TNNI3K: variants seen among roughly 807,000 people sequenced by gnomAD.
TNNI3K encodes the protein serine/threonine-protein kinase TNNI3K.
TNNI3K carries 140 observed loss-of-function variants against 114.5 expected under a neutral mutation model. The observed-to-expected ratio is 1.22, with a 90% CI of 1.07 to 1.41. TNNI3K has a LOEUF of 1.41. Among genes scored for constraint, TNNI3K ranks in the 40% most tolerant of loss-of-function variants. TNNI3K has a pLI of 0.00. For missense variants in TNNI3K, 1,125 were observed against 1,007.6 expected, an observed-to-expected ratio of 1.12 and a Z score of -1.58; for synonymous variants, 347 against 347.5, an observed-to-expected ratio of 1.00 and a Z score of 0.02.
intron 4 of TNNI3K, among the ~76,000 whole-genome samples, chr1:74,252,050 A>G (rs1402607972): frequency 6.6e-6 from 1 of 152,218 alleles, no homozygotes; most frequent in Non-Finnish European, 1.5e-5. Flanking sequence ...AGGAACAGGA[A>G]GGTAGTGAAT....
chr1:74,330,673 A>T (rs1660152669), intron 5 of TNNI3K, among the ~76,000 whole-genome samples: 1 of 152,128 alleles, frequency 6.6e-6, no homozygotes, highest in Admixed American at 6.6e-5. Context: ...AGTCTAATTT[A>T]TATGGCCTCA....
chr1:74,259,157 A>G (rs1296339037), intron 4 of TNNI3K, among the ~76,000 whole-genome samples: 36 of 152,198 alleles, frequency 2.4e-4, no homozygotes, highest in Non-Finnish European at 2.9e-5. Context: ...TAATCTAGAG[A>G]CATATTTATT....
intron 23 of TNNI3K, among the ~76,000 whole-genome samples, chr1:74,502,727 C>A (rs1570710672): frequency 6.6e-6 from 1 of 152,300 alleles, no homozygotes; most frequent in East Asian, 1.9e-4. Context: ...CTGATAGTAG[C>A]CACTTTGCCT....
intron 5 of TNNI3K, among the ~76,000 whole-genome samples, chr1:74,287,252 T>C (rs1011333839): frequency 4.6e-5 from 7 of 152,222 alleles, no homozygotes; most frequent in African/African-American, 1.4e-4. Flanking sequence ...GTATGCATTA[T>C]TGAGGTCCAA....
chr1:74,421,096 T>A (rs747051944), intron 17 of TNNI3K, among the ~76,000 whole-genome samples: 26 of 152,084 alleles, frequency 1.7e-4, no homozygotes, highest in Non-Finnish European at 3.4e-4. Context: ...ATCAGTTACT[T>A]ATCTGCTTTT....
At chr1:74,417,411 C>A (rs906094856) in intron 17 of TNNI3K, among the ~76,000 whole-genome samples, 1 of 152,110 alleles carries the variant, frequency 6.6e-6, no homozygotes, top group Admixed American at 6.6e-5. Flanking sequence ...ATGACTTTGG[C>A]TCAAGACTTC....
chr1:74,534,714 A>T (rs1557633828), intron 23 of TNNI3K, among the ~76,000 whole-genome samples: 2 of 143,320 alleles, frequency 1.4e-5, no homozygotes, highest in African/African-American at 4.9e-5. Context: ...GCATTGCAAC[A>T]TGAATATTCT....
chr1:74,364,564 C>G (rs972004125), intron 11 of TNNI3K, among the ~76,000 whole-genome samples: 1 of 151,634 alleles, frequency 6.6e-6, no homozygotes, highest in African/African-American at 2.4e-5. Context: ...CCCCCCGCCA[C>G]CCCCAAAGAT....
In TNNI3K at chr1:74,353,977, C is replaced by T. The variant is rs202245342; in HGVS notation, c.1028-3C>T. The T allele has an allele frequency of 6.9e-6, 11 of 1,597,532 alleles. No homozygotes were observed. Among genetic ancestry groups the T allele is most frequent in the Admixed American group, 5.3e-5 (3 of 56,242 alleles). On this transcript the variant is annotated splice_polypyrimidine_tract_variant and splice_region_variant and intron_variant, in intron 10 of 24. Transcript: ENST00000326637. Reference sequence around the variant, plus strand: ...TTGTTCTTTCAATTCTTTTCTATTACAGGATTACACTCTGCTTGCTACCAC... The same window carrying T: ...TTGTTCTTTCAATTCTTTTCTATTATAGGATTACACTCTGCTTGCTACCAC...
At chr1:74,254,525 A>G (rs1655155298) in intron 4 of TNNI3K, among the ~76,000 whole-genome samples, 1 of 152,064 alleles carries the variant, frequency 6.6e-6, no homozygotes, top group African/African-American at 2.4e-5. Flanking sequence ...CCAGTTATTT[A>G]TACATATTTC....
At chr1:74,369,671 C>G in intron 16 of TNNI3K, 86 bp downstream of exon 16, 1 of 1,395,170 alleles carries the variant, frequency 7.2e-7, no homozygotes, top group Non-Finnish European at 9.4e-7. Context: ...ATTGGATGAG[C>G]CTTCACCTTT....
At chr1:74,530,605 T>C (rs1018056548) in intron 23 of TNNI3K, among the ~76,000 whole-genome samples, 1 of 152,176 alleles carries the variant, frequency 6.6e-6, no homozygotes, top group African/African-American at 2.4e-5. Context: ...CTATATGAAC[T>C]GGGATAGGTT....
At chr1:74,315,442 A>G (rs1659253120) in intron 5 of TNNI3K, among the ~76,000 whole-genome samples, 3 of 152,116 alleles carry the variant, frequency 2.0e-5, no homozygotes, top group Admixed American at 2.0e-4. Context: ...ATTAATGCCT[A>G]CATTTGTATA....
rs777378688 is a variant in TNNI3K, at chr1:74,354,049, T to C, written c.1097T>C (p.Met366Thr). 3 of 1,614,138 alleles carry C rather than the reference T, an allele frequency of 1.9e-6. No individual in the cohort carries two copies. Among genetic ancestry groups the C allele is most frequent in the Non-Finnish European group, 2.5e-6 (3 of 1,180,004 alleles). Reference protein sequence around the residue: ...VQFLLDNGADMNLVACDPSRS... With the variant: ...VQFLLDNGADTNLVACDPSRS... ...TTCTTACTGGATAATGGAGCTGATA[T>C]GAATCTAGTGGCTTGTGATCCCAGC... is the stretch of plus-strand genomic sequence containing the variant. Residue 366 changes from methionine to threonine, a missense_variant, in exon 11 of 25, where the codon ATG becomes ACG. Met to Thr is a moderately conservative substitution (Grantham distance 81). Transcript: ENST00000326637.
At chr1:74,500,585 CA>C (rs1669568513) in intron 23 of TNNI3K, among the ~76,000 whole-genome samples, 1 of 114,512 alleles carries the variant, frequency 8.7e-6, no homozygotes, top group Non-Finnish European at 1.7e-5. Flanking sequence ...GCCTGGGCGA[CA>C]GAGCGAGACT....
rs1274591634 is a variant in TNNI3K at position 74,443,935 on chromosome 1, A to G, written c.2011+4313A>G. On this transcript the variant is annotated intron_variant, in intron 20 of 24. Transcript: ENST00000326637. The stretch of plus-strand genomic sequence containing the variant: ...TCATGATTATCTCAATAGATTCAGA[A>G]AAGGTCTTTGATACAATTCAACATC... Among the ~76,000 whole-genome samples the G allele has an allele frequency of 2.0e-5, 3 of 152,208 alleles. No homozygotes were observed. The East Asian group carries it at 5.8e-4, about 29-fold the overall frequency.
chr1:74,518,836 CCTTA>C (rs1646386214), intron 23 of TNNI3K, among the ~76,000 whole-genome samples: 3 of 142,462 alleles, frequency 2.1e-5, no homozygotes, highest in Admixed American at 2.0e-4. Context: ...AAACAAATTA[CCTTA>C]CTTTATTTTT....
At chr1:74,359,195 A>T (rs913866560) in intron 11 of TNNI3K, among the ~76,000 whole-genome samples, 1 of 151,978 alleles carries the variant, frequency 6.6e-6, no homozygotes, top group South Asian at 2.1e-4. Context: ...CTCTTTCAGC[A>T]TTTACCCTCA....
At chr1:74,510,787 C>T (rs2100379061) in intron 23 of TNNI3K, among the ~76,000 whole-genome samples, 1 of 152,324 alleles carries the variant, frequency 6.6e-6, no homozygotes, top group African/African-American at 2.4e-5. Flanking sequence ...TGTTGATTTC[C>T]CTCTAGGTAC....
Sources: gnomAD v4.1 joint callset for allele counts (sites outside exome capture counted in the v4.1 genomes callset) on GRCh38, gnomAD v4.1.1 for gene constraint, MANE v1.5 for transcripts, NCBI Gene and HGNC (gene_info 2026-07-23, HGNC 2026-07-21) for gene names.